Variants in RAPH1 observed in about 807,000 individuals in gnomAD.
RAPH1 encodes the protein ras-associated and pleckstrin homology domains-containing protein 1.
In RAPH1, 18 loss-of-function variants were observed where a neutral mutation model predicts 88.1. That is an observed-to-expected ratio of 0.20 (90% CI 0.14 to 0.30). RAPH1 has a LOEUF of 0.30. Ranked by LOEUF, RAPH1 falls within the 10% of genes least tolerant of loss-of-function variation. The probability of loss-of-function intolerance (pLI) is 1.00; values close to 1 mark genes in which losing one functional copy is unlikely to be tolerated. For missense variants in RAPH1, 1,448 were observed against 1,543.2 expected (o/e 0.94, Z 1.03); for synonymous variants, 587 against 559.0 (o/e 1.05, Z -0.71).
intron 1 of RAPH1, among the ~76,000 whole-genome samples, chr2:203,498,878 C>G (rs750868621): frequency 6.6e-6 from 1 of 152,138 alleles, no homozygotes; most frequent in Non-Finnish European, 1.5e-5. Flanking sequence ...ACTGCTTATA[C>G]GGTGGTCCCA....
intron 4 of RAPH1, among the ~76,000 whole-genome samples, chr2:203,477,375 A>T (rs1169257666): frequency 6.6e-6 from 1 of 152,240 alleles, no homozygotes; most frequent in East Asian, 1.9e-4. Context: ...ATTTAAGGAT[A>T]ACCTCACTCC....
intron 1 of RAPH1, among the ~76,000 whole-genome samples, chr2:203,530,963 G>A (rs1690364024): frequency 6.6e-6 from 1 of 152,074 alleles, no homozygotes; most frequent in African/African-American, 2.4e-5. Flanking sequence ...GAATGAGTAT[G>A]AGTGCCAGAA....
chr2:203,440,684 G>A lies in RAPH1; in HGVS notation c.2506C>T (p.Pro836Ser), dbSNP rs758546698. 2 of 1,576,628 alleles carry A rather than the reference G, an allele frequency of 1.3e-6. No individual in the cohort carries two copies. The highest frequency in any genetic ancestry group is 2.3e-5 in the East Asian group (1 of 44,384). ...PSPPTPPVPV[P>S]PPTLPKQQSF... is the part of the protein sequence containing the mutation. ...TGTTGCTTGGGTAATGTTGGCGGGG[G>A]TACTGGAACAGGAGGGGTAGGGGGA... is the stretch of plus-strand genomic sequence containing the variant. Residue 836 changes from proline (P) to serine (S), a missense_variant, in exon 14 of 14, where the codon CCC (proline) becomes TCC (serine). Around this residue, in one of 2 missense-constraint regions of RAPH1, gnomAD observed 935 missense variants for 890.1 expected, o/e 1.05. Transcript: ENST00000319170.
At chr2:203,508,279 A>C (rs889337881) in intron 1 of RAPH1, among the ~76,000 whole-genome samples, 5 of 151,446 alleles carry the variant, frequency 3.3e-5, no homozygotes, top group Non-Finnish European at 7.4e-5. Context: ...GGTTACAGGC[A>C]TGCACCACCA....
intron 2 of RAPH1, 104 bp from the exon 3 acceptor site, chr2:203,491,423 A>G: frequency 1.5e-6 from 1 of 672,150 alleles, no homozygotes; most frequent in Non-Finnish European, 2.5e-6. Context: ...CACTATAATT[A>G]ATTAAACCAA....
At chr2:203,523,379 C>G (rs373462441) in intron 1 of RAPH1, among the ~76,000 whole-genome samples, 1 of 143,438 alleles carries the variant, frequency 7.0e-6, no homozygotes, top group Non-Finnish European at 1.5e-5. Flanking sequence ...GGTGAAAGAG[C>G]GAGACTCTGT....
intron 4 of RAPH1, among the ~76,000 whole-genome samples, chr2:203,485,655 G>GA (rs942528584): frequency 2.6e-5 from 4 of 152,178 alleles, no homozygotes; most frequent in Admixed American, 2.6e-4. Context: ...CGAAGAAAAG[G>GA]ACTCAGGCCT....
chr2:203,438,318 C>T lies in RAPH1; in HGVS notation c.*1119G>A, dbSNP rs2098500144. The T allele has an allele frequency of 2.6e-6, 1 of 378,880 alleles. No individual in the cohort carries two copies. Among genetic ancestry groups the T allele is most frequent in the Admixed American group, 3.4e-5 (1 of 29,490 alleles). 23.5% of individuals were successfully genotyped at this position (378,880 alleles called of 1,614,324 possible). On this transcript the variant is annotated 3_prime_UTR_variant, in exon 14 of 14. Coordinates refer to ENST00000319170, the MANE Select transcript of RAPH1 (RefSeq NM_213589.3). ...CACCTGTACAGGGGCCAGTTCTGTT[C>T]TCTCATCACCCTTCCCTTCTATAGA... is the stretch of plus-strand genomic sequence containing the variant.
chr2:203,513,583 G>A (rs1689460008), intron 1 of RAPH1, among the ~76,000 whole-genome samples: 1 of 147,002 alleles, frequency 6.8e-6, no homozygotes, highest in South Asian at 2.2e-4. Flanking sequence ...CACCTATAAT[G>A]CCAGCACTTT....
chr2:203,472,065 G>A (rs1384437536), intron 4 of RAPH1, among the ~76,000 whole-genome samples: 1 of 151,792 alleles, frequency 6.6e-6, no homozygotes, highest in Non-Finnish European at 1.5e-5. Context: ...GGAGGGAATT[G>A]GGAAAAACAA....
Position 203,434,412 on chromosome 2 carries a change from A to T in RAPH1, c.*5025T>A, listed in dbSNP as rs933028664. On this transcript the variant is annotated 3_prime_UTR_variant, in exon 14 of 14. Coordinates refer to ENST00000319170, the MANE Select transcript of RAPH1 (RefSeq NM_213589.3). ...TAATGTGCAATTCCCCTTTAACAGTAAACAATGTTTTTAAAACACTTAGCA... is the reference window on the plus strand; with the variant it reads ...TAATGTGCAATTCCCCTTTAACAGTTAACAATGTTTTTAAAACACTTAGCA... The T allele has an allele frequency of 6.6e-6, 1 of 152,664 alleles. No homozygotes were observed. The highest frequency in any genetic ancestry group is 2.4e-5 in the African/African-American group (1 of 41,460). The allele number at this position is 152,664 out of a possible 1,614,324, so 9.5% of individuals were successfully genotyped here. A position where few individuals can be genotyped will look rare whatever the true frequency, so the allele number is the denominator to read the frequency against.
intron 4 of RAPH1, among the ~76,000 whole-genome samples, chr2:203,484,655 C>G (rs777636001): frequency 4.6e-5 from 7 of 152,204 alleles, no homozygotes; most frequent in Non-Finnish European, 8.8e-5. Context: ...GAGGAGCACT[C>G]AATTTATATC....
chr2:203,530,207 C>G (rs138827401), intron 1 of RAPH1, among the ~76,000 whole-genome samples: 18 of 152,144 alleles, frequency 1.2e-4, no homozygotes, highest in African/African-American at 4.3e-4. Context: ...AGAGATCATA[C>G]AGTCTGGAGT....
intron 6 of RAPH1, 57 bp from the exon 7 acceptor site, chr2:203,460,085 A>G: frequency 6.7e-7 from 1 of 1,485,764 alleles, no homozygotes. Context: ...TGCATGAAAG[A>G]CATGAAACTT....
chr2:203,481,647 A>G (rs1225858171), intron 4 of RAPH1, among the ~76,000 whole-genome samples: 1 of 149,538 alleles, frequency 6.7e-6, no homozygotes, highest in Non-Finnish European at 1.5e-5. Flanking sequence ...GATGGAGTAC[A>G]GTGGCATGAT....
intron 7 of RAPH1, among the ~76,000 whole-genome samples, chr2:203,458,201 C>T (rs949611729): frequency 5.3e-5 from 8 of 152,096 alleles, no homozygotes; most frequent in Non-Finnish European, 1.2e-4. Flanking sequence ...GAAACCCCGT[C>T]TCTACTAAAA....
chr2:203,468,812 G>A (rs992641484), intron 4 of RAPH1, among the ~76,000 whole-genome samples: 1 of 152,170 alleles, frequency 6.6e-6, no homozygotes, highest in Admixed American at 6.5e-5. Context: ...AGCTAAGAGT[G>A]AGCCTGTAGT....
rs146804560 is a variant in RAPH1 at position 203,440,970 on chromosome 2, G to C, written c.2220C>G (p.Phe740Leu). The change falls in exon 14 of 14, where the codon TTC becomes TTG. Residue 740 changes from phenylalanine (F) to leucine (L), a missense_variant. Phe to Leu is a conservative substitution (Grantham distance 22, BLOSUM62 0). Around this residue, in one of 2 missense-constraint regions of RAPH1, gnomAD observed 935 missense variants for 890.1 expected, o/e 1.05. Coordinates refer to ENST00000319170, the MANE Select transcript of RAPH1 (RefSeq NM_213589.3). ...PAPCAPSLPQFSAPPPPLKIH... is the reference protein window; with the variant it reads ...PAPCAPSLPQLSAPPPPLKIH... ...TCTTCAGTGGAGGAGGCGGGGCACT[G>C]AACTGTGGAAGGGATGGGGCACACG... The C allele has an allele frequency of 2.2e-4, 346 of 1,559,868 alleles. No individual in the cohort carries two copies. In the African/African-American group the frequency reaches 4.5e-3, roughly 20 times the overall value.
Position 203,439,596 on chromosome 2 carries a change from A to G in RAPH1, c.3594T>C (p.Asp1198=). The G allele has an allele frequency of 1.9e-6, 3 of 1,614,126 alleles. No individual in the cohort carries two copies. The highest frequency in any genetic ancestry group is 2.5e-6 in the Non-Finnish European group (3 of 1,180,018). The change falls in exon 14 of 14, where the codon GAT becomes GAC. Residue 1198 remains aspartate, a synonymous_variant. Transcript: ENST00000319170. ...MSRAEPTATM[D]DMALPPPPPE... ...GGGGTGGTGGAGGCAATGCCATATC[A>G]TCCATGGTGGCTGTTGGTTCTGCTC...
Sources: allele counts gnomAD v4.1 joint callset (sites outside exome capture counted in the v4.1 genomes callset), GRCh38; gene constraint gnomAD v4.1.1; regional missense constraint gnomAD v4.1.1; transcripts MANE v1.5; gene names NCBI Gene and HGNC (gene_info 2026-07-23, HGNC 2026-07-21).